CDH4: variants seen among roughly 807,000 people sequenced by gnomAD.
The protein encoded by CDH4 is cadherin 4.
CDH4 carries 33 observed loss-of-function variants against 86.0 expected under a neutral mutation model. That is an observed-to-expected ratio of 0.38 (90% CI 0.29 to 0.51). CDH4 has a LOEUF of 0.51. Among genes scored for constraint, CDH4 ranks in the 20% least tolerant of loss-of-function variants. The probability of loss-of-function intolerance (pLI) is 0.86; values close to 1 mark genes in which losing one functional copy is unlikely to be tolerated. For synonymous variants in CDH4, 555 were observed against 549.4 expected, an observed-to-expected ratio of 1.01 and a Z score of -0.14; for missense variants, 1,114 against 1,307.4, an observed-to-expected ratio of 0.85 and a Z score of 2.28.
At chr20:61,755,579 C>T (rs998679366) in intron 3 of CDH4, among the ~76,000 whole-genome samples, 1 of 149,090 alleles carries the variant, frequency 6.7e-6, no homozygotes, top group African/African-American at 2.5e-5. Flanking sequence ...GCCCCATACA[C>T]ACCACACACA....
At chr20:61,378,367 C>T (rs926846400) in intron 2 of CDH4, among the ~76,000 whole-genome samples, 7 of 152,166 alleles carry the variant, frequency 4.6e-5, no homozygotes, top group Non-Finnish European at 1.0e-4. Context: ...AGGTGGGTGG[C>T]TTAGAACAAC....
intron 2 of CDH4, among the ~76,000 whole-genome samples, chr20:61,503,249 A>G (rs1471370808): frequency 1.3e-5 from 2 of 152,208 alleles, no homozygotes; most frequent in Non-Finnish European, 2.9e-5. Flanking sequence ...GTGGGCCCAC[A>G]GGAAATGTGT....
chr20:61,561,019 T>A (rs1362582638), intron 2 of CDH4, among the ~76,000 whole-genome samples: 1 of 152,152 alleles, frequency 6.6e-6, no homozygotes, highest in Non-Finnish European at 1.5e-5. Context: ...AGGCCATTGA[T>A]TATGCCCCGG....
At chr20:61,320,498 A>G (rs1423923752) in intron 2 of CDH4, among the ~76,000 whole-genome samples, 1 of 151,992 alleles carries the variant, frequency 6.6e-6, no homozygotes, top group East Asian at 1.9e-4. Flanking sequence ...AGCCACTACC[A>G]TGAAATGTTT....
intron 2 of CDH4, among the ~76,000 whole-genome samples, chr20:61,707,142 G>C (rs1223296995): frequency 6.6e-6 from 1 of 152,196 alleles, no homozygotes; most frequent in Non-Finnish European, 1.5e-5. Flanking sequence ...AGAGTGCCGG[G>C]GTCCCCATGA....
chr20:61,908,201 G>A (rs1164474413), intron 8 of CDH4, among the ~76,000 whole-genome samples: 1 of 152,236 alleles, frequency 6.6e-6, no homozygotes, highest in Non-Finnish European at 1.5e-5. Flanking sequence ...CAGCCCGTTG[G>A]TGTGGGCTCT....
chr20:61,271,349 C>G (rs1346125195), intron 2 of CDH4, among the ~76,000 whole-genome samples: 1 of 152,180 alleles, frequency 6.6e-6, no homozygotes. Context: ...TTCCCAGTGC[C>G]CTTTGGGGCT....
At chr20:61,735,404 C>T (rs1198633537) in intron 2 of CDH4, among the ~76,000 whole-genome samples, 2 of 152,212 alleles carry the variant, frequency 1.3e-5, no homozygotes, top group African/African-American at 4.8e-5. Context: ...CATTAGTGCT[C>T]ACTCCCCCAC....
chr20:61,340,796 GAT>G (rs1288603309), intron 2 of CDH4, among the ~76,000 whole-genome samples: 1 of 152,114 alleles, frequency 6.6e-6, no homozygotes, highest in Non-Finnish European at 1.5e-5. Flanking sequence ...CCCAGGCTGA[GAT>G]AGTTTCTTAG....
intron 2 of CDH4, among the ~76,000 whole-genome samples, chr20:61,661,492 T>TTA (rs1555821407): frequency 9.3e-5 from 14 of 150,192 alleles, no homozygotes; most frequent in Admixed American, 7.3e-4. Context: ...TTTTTTTTTT[T>TTA]AACACTCATA....
At chr20:61,275,916 A>G (rs1023689796) in intron 2 of CDH4, among the ~76,000 whole-genome samples, 5 of 152,102 alleles carry the variant, frequency 3.3e-5, no homozygotes, top group Admixed American at 1.3e-4. Context: ...CTCTCTAGGA[A>G]GTGATTTGAT....
In CDH4 at chr20:61,613,586, G is replaced by A. The variant is rs1191942132; in HGVS notation, c.170-129977G>A. ...TTCCAAAAACAAAATCTGGAAAAAA[G>A]GCTTCAAAAGAAAAAAAAAAAAAAA... On this transcript the variant is annotated intron_variant, in intron 2 of 15. Coordinates refer to ENST00000614565, the MANE Select transcript of CDH4 (RefSeq NM_001794.5). Among the ~76,000 whole-genome samples the A allele has an allele frequency of 1.8e-4, 14 of 78,844 alleles. No homozygotes were observed. In the East Asian group the frequency reaches 3.8e-3, roughly 21 times the overall value. The allele number at this position is 78,844 out of a possible 152,430, so 51.7% of individuals were successfully genotyped here.
rs549396553 is a variant in CDH4 at position 61,692,844 on chromosome 20, T to G, written c.170-50719T>G. ...GCTTTTTTGTTTTTTGTTTTTTGTT[T>G]TTTTTTTTGCAAATGCTAGATAGGA... On this transcript the variant is annotated intron_variant, in intron 2 of 15. Coordinates refer to ENST00000614565, the MANE Select transcript of CDH4 (RefSeq NM_001794.5). Among the ~76,000 whole-genome samples the G allele has an allele frequency of 9.1e-4, 138 of 152,122 alleles. 3 individuals are homozygous for G. The South Asian group carries it at 0.028, about 31-fold the overall frequency.
chr20:61,750,298 A>G (rs1447815905), intron 3 of CDH4, among the ~76,000 whole-genome samples: 1 of 152,236 alleles, frequency 6.6e-6, no homozygotes, highest in Admixed American at 6.5e-5. Context: ...AGATGACATC[A>G]TGACTAATCT....
At chr20:61,469,661 A>C (rs185417973) in intron 2 of CDH4, among the ~76,000 whole-genome samples, 2 of 152,152 alleles carry the variant, frequency 1.3e-5, no homozygotes, top group East Asian at 3.9e-4. Context: ...AAGTTTCCCC[A>C]ATGTTTTCTT....
At chr20:61,688,993 G>A (rs968992324) in intron 2 of CDH4, among the ~76,000 whole-genome samples, 5 of 152,218 alleles carry the variant, frequency 3.3e-5, no homozygotes, top group African/African-American at 1.2e-4. Flanking sequence ...AGCCCCACTG[G>A]ACCTGCCTTC....
intron 2 of CDH4, among the ~76,000 whole-genome samples, chr20:61,279,083 G>A (rs557782494): frequency 8.0e-4 from 122 of 152,318 alleles, no homozygotes; most frequent in African/African-American, 2.7e-3. Context: ...TATTTTGAGG[G>A]ATGAGAAGCC....
At chr20:61,697,569 G>C (rs2087727946) in intron 2 of CDH4, among the ~76,000 whole-genome samples, 1 of 152,160 alleles carries the variant, frequency 6.6e-6, no homozygotes, top group Non-Finnish European at 1.5e-5. Flanking sequence ...CTGCACTCCA[G>C]CCTGGGCGAC....
intron 2 of CDH4, among the ~76,000 whole-genome samples, chr20:61,444,568 C>T: frequency 8.0e-6 from 1 of 124,316 alleles, no homozygotes; most frequent in Non-Finnish European, 1.8e-5. Context: ...TCTTTGTGTA[C>T]ATCTGTGTCT....
Sources: allele counts gnomAD v4.1 joint callset (sites outside exome capture counted in the v4.1 genomes callset), GRCh38; gene constraint gnomAD v4.1.1; transcripts MANE v1.5; gene names NCBI Gene and HGNC (gene_info 2026-07-23, HGNC 2026-07-21).